Variants in FBXO38 observed in about 807,000 individuals in gnomAD.
The protein encoded by FBXO38 is F-box only protein 38.
Under a neutral mutation model 131.9 loss-of-function variants are expected in FBXO38, and 53 were observed. That is an observed-to-expected ratio of 0.40 (90% CI 0.32 to 0.51). FBXO38 has a LOEUF of 0.51. Among genes scored for constraint, FBXO38 ranks in the 20% least tolerant of loss-of-function variants. The pLI is 0.53. For synonymous variants in FBXO38, 452 were observed against 505.6 expected (o/e 0.89, Z 1.42); for missense variants, 1,076 against 1,475.6 (o/e 0.73, Z 4.44).
intron 13 of FBXO38, among the ~76,000 whole-genome samples, chr5:148,424,878 T>G (rs912551056): frequency 1.3e-5 from 2 of 152,186 alleles, no homozygotes; most frequent in African/African-American, 4.8e-5. Context: ...GGAGCATACG[T>G]TTATTGATGG....
At chr5:148,393,809 A>G (rs531390255) in intron 1 of FBXO38, among the ~76,000 whole-genome samples, 2 of 152,276 alleles carry the variant, frequency 1.3e-5, no homozygotes, top group African/African-American at 4.8e-5. Flanking sequence ...AAAGAGACCA[A>G]TATTTCCTAT....
intron 17 of FBXO38, 21 bp downstream of exon 17, chr5:148,433,758 T>A: frequency 1.5e-6 from 2 of 1,308,860 alleles, no homozygotes; most frequent in Non-Finnish European, 2.2e-6. Context: ...GGGCCCATAT[T>A]ATACAAGAGT....
chr5:148,393,356 A>G (rs1375705345), intron 1 of FBXO38, among the ~76,000 whole-genome samples: 1 of 152,140 alleles, frequency 6.6e-6, no homozygotes, highest in Non-Finnish European at 1.5e-5. Context: ...TACTTAGCCT[A>G]GTAGAGTGTC....
rs1233084719 is a variant in FBXO38, at chr5:148,427,364, T to A, written c.2070T>A (p.Asp690Glu). The A allele has an allele frequency of 6.2e-7, 1 of 1,614,116 alleles. No homozygotes were observed. Residue 690 changes from aspartate to glutamate, a missense_variant, in exon 15 of 22, where the codon GAT becomes GAA. Around this residue, in one of 8 missense-constraint regions of FBXO38, gnomAD observed 213 missense variants for 225.2 expected, o/e 0.95. Transcript: ENST00000340253. ...AAGCCGATATGAAAGCAGCTAGGGA[T>A]ATTCCTGAAAAGAAAAAAAACAAGG... ...QIKADMKAAR[D>E]IPEKKKNKDV...
At chr5:148,419,390 C>T (rs1753267917) in intron 12 of FBXO38, among the ~76,000 whole-genome samples, 1 of 151,742 alleles carries the variant, frequency 6.6e-6, no homozygotes, top group South Asian at 2.1e-4. Flanking sequence ...TTTTTTCCCG[C>T]AAACTAAGGA....
chr5:148,428,335 G>C lies in FBXO38; in HGVS notation c.2653+388G>C, dbSNP rs544737099. Among the ~76,000 whole-genome samples the C allele has an allele frequency of 2.6e-5, 4 of 152,266 alleles. No individual in the cohort carries two copies. The South Asian group carries it at 8.3e-4, about 32-fold the overall frequency. On this transcript the variant is annotated intron_variant, in intron 15 of 21. Coordinates refer to ENST00000340253, the MANE Select transcript of FBXO38 (RefSeq NM_205836.3). Reference sequence around the variant, plus strand: ...AAGGACTTGACGTTGCTGGGGCTGGGGGAACACATCTCAGTGCAGCTTCCT... The same window carrying C: ...AAGGACTTGACGTTGCTGGGGCTGGCGGAACACATCTCAGTGCAGCTTCCT...
chr5:148,395,295 T>C (rs1230534681), intron 2 of FBXO38, among the ~76,000 whole-genome samples: 1 of 152,158 alleles, frequency 6.6e-6, no homozygotes, highest in East Asian at 1.9e-4. Context: ...TTCTGACTTT[T>C]TCTGACTACA....
At chr5:148,437,237 A>G (rs1205929377) in intron 17 of FBXO38, among the ~76,000 whole-genome samples, 1 of 152,212 alleles carries the variant, frequency 6.6e-6, no homozygotes, top group African/African-American at 2.4e-5. Flanking sequence ...GTCTGTAGGT[A>G]GTGGCTAAGT....
intron 1 of FBXO38, among the ~76,000 whole-genome samples, chr5:148,392,895 G>A (rs1758276276): frequency 6.6e-6 from 1 of 152,136 alleles, no homozygotes; most frequent in Non-Finnish European, 1.5e-5. Flanking sequence ...GCTATCATAA[G>A]ATGGAAAGAT....
intron 17 of FBXO38, among the ~76,000 whole-genome samples, chr5:148,435,587 T>C (rs909953210): frequency 2.0e-5 from 3 of 152,110 alleles, no homozygotes; most frequent in South Asian, 4.1e-4. Flanking sequence ...CTCGCTAACA[T>C]GGTGAAACCC....
At chr5:148,385,418 A>G (rs1366720230) in intron 1 of FBXO38, among the ~76,000 whole-genome samples, 3 of 152,212 alleles carry the variant, frequency 2.0e-5, no homozygotes, top group Non-Finnish European at 2.9e-5. Context: ...GTGGTATACT[A>G]AAATGAAATA....
At chr5:148,432,159 G>C (rs141138163) in intron 15 of FBXO38, among the ~76,000 whole-genome samples, 1 of 152,314 alleles carries the variant, frequency 6.6e-6, no homozygotes, top group African/African-American at 2.4e-5. Flanking sequence ...TAAAAAAGCA[G>C]TATAGTGGTG....
chr5:148,423,591 G>C (rs544491316), intron 12 of FBXO38, among the ~76,000 whole-genome samples: 3 of 152,256 alleles, frequency 2.0e-5, no homozygotes, highest in Non-Finnish European at 2.9e-5. Flanking sequence ...CAATTATTCA[G>C]GGGGAGGTGT....
chr5:148,405,705 T>G (rs1350868620), intron 6 of FBXO38, among the ~76,000 whole-genome samples: 3 of 152,232 alleles, frequency 2.0e-5, no homozygotes, highest in Non-Finnish European at 2.9e-5. Flanking sequence ...GTATGCGTTC[T>G]TCAGGTTCTG....
intron 5 of FBXO38, among the ~76,000 whole-genome samples, chr5:148,403,398 T>C (rs1325874237): frequency 6.6e-6 from 1 of 152,152 alleles, no homozygotes; most frequent in East Asian, 1.9e-4. Flanking sequence ...TTATAGAGTT[T>C]GTTTGAGACA....
At chr5:148,414,739 A>G (rs1003947055) in intron 10 of FBXO38, among the ~76,000 whole-genome samples, 59 of 152,278 alleles carry the variant, frequency 3.9e-4, no homozygotes, top group African/African-American at 1.3e-3. Context: ...ATTTCTATTG[A>G]CTAGAAATCC....
chr5:148,427,312 G>C lies in FBXO38; in HGVS notation c.2018G>C (p.Gly673Ala). The C allele has an allele frequency of 1.9e-6, 3 of 1,614,146 alleles. No homozygotes were observed. The highest frequency in any genetic ancestry group is 1.7e-6 in the Non-Finnish European group (2 of 1,180,020). The change falls in exon 15 of 22, where the codon GGC becomes GCC. Residue 673 changes from glycine to alanine, a missense_variant. By Grantham distance (60) the Gly-to-Ala change is moderately conservative. This residue lies in a region of FBXO38 where 3 missense variants were observed against 16.5 expected (regional missense o/e 0.18). Transcript: ENST00000340253. ...CTCGAGGAAAGCAGCTGTGAGAAAG[G>C]CTGTCAGGTCACCAGTGAGCAGATC... is the stretch of plus-strand genomic sequence containing the variant. ...FPLEESSCEK[G>A]CQVTSEQIKA...
In FBXO38 at chr5:148,442,416, CTT is replaced by C. The variant is rs1022964393; in HGVS notation, c.*272_*273del. The C allele has an allele frequency of 2.0e-4, 50 of 244,354 alleles. No homozygotes were observed. The highest frequency in any genetic ancestry group is 2.0e-3 in the East Asian group (25 of 12,506). 15.1% of individuals were successfully genotyped at this position (244,354 alleles called of 1,614,324 possible). On this transcript the variant is annotated 3_prime_UTR_variant, in exon 22 of 22. Transcript: ENST00000340253. ...TAAGGAAGACAGATAATTTGAAAGACTTTTGTTTTTCTTGACTTAATTCATGA... is the reference window on the plus strand; with the variant it reads ...TAAGGAAGACAGATAATTTGAAAGACTTGTTTTTCTTGACTTAATTCATGA...
At chr5:148,402,618 T>A in intron 5 of FBXO38, 105 bp downstream of exon 5, 1 of 999,144 alleles carries the variant, frequency 1.0e-6, no homozygotes, top group Non-Finnish European at 1.4e-6. Flanking sequence ...CTTTGTTGAT[T>A]GATGATTGCA....
Sources: allele counts gnomAD v4.1 joint callset (sites outside exome capture counted in the v4.1 genomes callset), GRCh38; gene constraint gnomAD v4.1.1; regional missense constraint gnomAD v4.1.1; transcripts MANE v1.5; gene names NCBI Gene and HGNC (gene_info 2026-07-23, HGNC 2026-07-21).